The following TCF7L1 variants were observed in gnomAD, a reference collection of about 807,000 sequenced individuals.
TCF7L1 encodes the protein transcription factor 7 like 1, also known as transcription factor 7-like 1.
TCF7L1 carries 18 observed loss-of-function variants against 63.7 expected under a neutral mutation model. The ratio of observed to expected loss-of-function variants is 0.28; its 90% CI spans 0.20 to 0.42. TCF7L1 has a LOEUF of 0.42. Among genes scored for constraint, TCF7L1 ranks in the 10% least tolerant of loss-of-function variants. The pLI, the probability that TCF7L1 is intolerant of heterozygous loss-of-function variation, is 1.00. For missense variants in TCF7L1, 654 were observed against 779.3 expected, an observed-to-expected ratio of 0.84 and a Z score of 1.91; for synonymous variants, 355 against 340.9, an observed-to-expected ratio of 1.04 and a Z score of -0.46.
intron 3 of TCF7L1, among the ~76,000 whole-genome samples, chr2:85,238,475 G>C (rs1183111732): frequency 6.6e-6 from 1 of 152,190 alleles, no homozygotes; most frequent in Non-Finnish European, 1.5e-5. Flanking sequence ...CCCGTGGTAG[G>C]AACTGAGTCA....
chr2:85,259,269 A>G (rs187786104), intron 3 of TCF7L1, among the ~76,000 whole-genome samples: 8 of 152,360 alleles, frequency 5.3e-5, no homozygotes, highest in Admixed American at 3.9e-4. Flanking sequence ...CGCCCCGCCA[A>G]TCCCCGTGTA....
intron 4 of TCF7L1, among the ~76,000 whole-genome samples, chr2:85,288,578 C>G (rs905871831): frequency 1.3e-5 from 2 of 152,022 alleles, no homozygotes; most frequent in Non-Finnish European, 2.9e-5. Flanking sequence ...GTAGAGCAAG[C>G]GAAGGAAACA....
intron 4 of TCF7L1, 107 bp from the exon 5 acceptor site, chr2:85,302,377 G>C: frequency 6.7e-7 from 1 of 1,483,766 alleles, no homozygotes; most frequent in East Asian, 2.3e-5. Context: ...GGACTGAATG[G>C]GATGTTGCCT....
intron 3 of TCF7L1, among the ~76,000 whole-genome samples, chr2:85,217,812 T>A (rs906952635): frequency 6.6e-6 from 1 of 152,182 alleles, no homozygotes; most frequent in East Asian, 1.9e-4. Flanking sequence ...AATTGGAAAA[T>A]CTGACATGCC....
intron 4 of TCF7L1, among the ~76,000 whole-genome samples, chr2:85,296,312 T>C (rs1334737049): frequency 6.6e-6 from 1 of 152,162 alleles, no homozygotes; most frequent in Non-Finnish European, 1.5e-5. Context: ...AGGCCAGCTG[T>C]TTTGTAGAAT....
chr2:85,230,462 T>A (rs1053531961), intron 3 of TCF7L1, among the ~76,000 whole-genome samples: 1 of 152,108 alleles, frequency 6.6e-6, no homozygotes, highest in Admixed American at 6.6e-5. Flanking sequence ...GCCTCCCAAG[T>A]AGCTGTGATT....
At chr2:85,225,882 T>C (rs1425034321) in intron 3 of TCF7L1, among the ~76,000 whole-genome samples, 1 of 152,254 alleles carries the variant, frequency 6.6e-6, no homozygotes, top group Non-Finnish European at 1.5e-5. Flanking sequence ...CTTCTAGTTT[T>C]TGCTCATTCA....
intron 3 of TCF7L1, among the ~76,000 whole-genome samples, chr2:85,142,164 T>C (rs1031282742): frequency 1.3e-5 from 2 of 152,182 alleles, no homozygotes; most frequent in African/African-American, 4.8e-5. Context: ...TGGTGGCTCA[T>C]GCCTGTAATC....
intron 4 of TCF7L1, among the ~76,000 whole-genome samples, chr2:85,299,860 A>AACACACACACACACACACAC (rs61569778): frequency 0.043 from 4,023 of 92,640 alleles, 420 homozygotes; most frequent in East Asian, 0.13. Flanking sequence ...CCTTGTCTCA[A>AACACACACACACACACACAC]ACACACACAC....
At chr2:85,163,466 G>A (rs886282327) in intron 3 of TCF7L1, among the ~76,000 whole-genome samples, 1 of 152,014 alleles carries the variant, frequency 6.6e-6, no homozygotes, top group Admixed American at 6.6e-5. Context: ...CCTCCTGCCC[G>A]ACCAGAAGCA....
rs375178027 is a variant in TCF7L1, at chr2:85,167,859, A to G, written c.441+33409A>G. 1.2e-4 allele frequency among the ~76,000 whole-genome samples: 18 copies of G among 152,216 alleles called. No homozygotes were observed. The South Asian group carries it at 3.5e-3, about 30-fold the overall frequency. The stretch of plus-strand genomic sequence containing the variant: ...AGCTTGGGCAACAGAACAAGACCCT[A>G]TTTCAAAAAAATAAACAAGGAGAAG... On this transcript the variant is annotated intron_variant, in intron 3 of 11. Transcript: ENST00000282111.
chr2:85,295,723 A>G (rs1034774761), intron 4 of TCF7L1, among the ~76,000 whole-genome samples: 40 of 150,318 alleles, frequency 2.7e-4, no homozygotes, highest in African/African-American at 9.6e-4. Context: ...GAACAAAGGC[A>G]TTCTCTTAAA....
At chr2:85,159,622 C>T (rs1678234413) in intron 3 of TCF7L1, among the ~76,000 whole-genome samples, 1 of 152,222 alleles carries the variant, frequency 6.6e-6, no homozygotes, top group African/African-American at 2.4e-5. Context: ...GTGGTACTGG[C>T]CCTTTGACCT....
intron 3 of TCF7L1, among the ~76,000 whole-genome samples, chr2:85,182,373 G>T (rs1200562168): frequency 2.0e-5 from 3 of 152,194 alleles, no homozygotes; most frequent in Admixed American, 1.3e-4. Context: ...GGCCTGGGGT[G>T]CCAGGGAGCT....
At chr2:85,141,020 T>A (rs1186755851) in intron 3 of TCF7L1, among the ~76,000 whole-genome samples, 3 of 151,012 alleles carry the variant, frequency 2.0e-5, no homozygotes, top group Non-Finnish European at 3.0e-5. Context: ...ATGCTGTGGC[T>A]TGTGCCTGTA....
At chr2:85,141,652 A>G (rs1677742230) in intron 3 of TCF7L1, among the ~76,000 whole-genome samples, 3 of 152,192 alleles carry the variant, frequency 2.0e-5, no homozygotes, top group African/African-American at 7.2e-5. Context: ...TGTTTGTAGG[A>G]GCCATAGGGC....
intron 3 of TCF7L1, among the ~76,000 whole-genome samples, chr2:85,150,855 A>T (rs1354939378): frequency 6.6e-6 from 1 of 152,140 alleles, no homozygotes. Flanking sequence ...ACCTTTACCC[A>T]ATGGTTTTAG....
At chr2:85,171,327 A>C (rs368680165) in intron 3 of TCF7L1, among the ~76,000 whole-genome samples, 1 of 152,344 alleles carries the variant, frequency 6.6e-6, no homozygotes, top group East Asian at 1.9e-4. Flanking sequence ...GCCAAACCAC[A>C]TGAGAAGGAT....
intron 3 of TCF7L1, among the ~76,000 whole-genome samples, chr2:85,277,030 G>C (rs1400276754): frequency 6.6e-6 from 1 of 152,118 alleles, no homozygotes; most frequent in Non-Finnish European, 1.5e-5. Flanking sequence ...AGCATGGTGC[G>C]TTCAGAGTGC....
Sources: allele counts gnomAD v4.1 joint callset (sites outside exome capture counted in the v4.1 genomes callset), GRCh38; gene constraint gnomAD v4.1.1; transcripts MANE v1.5; gene names NCBI Gene and HGNC (gene_info 2026-07-23, HGNC 2026-07-21).